IP6K2: variants seen among roughly 807,000 people sequenced by gnomAD.
The protein encoded by IP6K2 is inositol hexakisphosphate kinase 2.
In IP6K2, 9 loss-of-function variants were observed where a neutral mutation model predicts 43.3. The ratio of observed to expected loss-of-function variants is 0.21; its 90% CI spans 0.13 to 0.36. The LOEUF (loss-of-function observed/expected upper bound fraction) is 0.36, where lower values mean the gene tolerates loss of function less well. IP6K2 is among the 10% of genes least tolerant of loss of function. The pLI, the probability that IP6K2 is intolerant of heterozygous loss-of-function variation, is 1.00. For synonymous variants in IP6K2, 209 were observed against 202.4 expected (o/e 1.03, Z -0.28); for missense variants, 332 against 538.4 (o/e 0.62, Z 3.79).
chr3:48,711,153 C>T (rs548798634), intron 1 of IP6K2, among the ~76,000 whole-genome samples: 47 of 152,236 alleles, frequency 3.1e-4, no homozygotes, highest in South Asian at 4.1e-4. Context: ...TTAAATGATC[C>T]GCCTACCTCA....
At chr3:48,715,632 C>A (rs2081104137) in intron 1 of IP6K2, 1 of 614,846 alleles carries the variant, frequency 1.6e-6, no homozygotes, top group Non-Finnish European at 2.8e-6. Flanking sequence ...AAAAAACAAA[C>A]CAAACAAACA....
At chr3:48,693,982 GC>G in intron 2 of IP6K2, 5 of 1,381,740 alleles carry the variant, frequency 3.6e-6, no homozygotes, top group South Asian at 3.6e-5. Context: ...GTGCCGACGA[GC>G]GCCTTACAAA....
At chr3:48,699,399 C>CAA (rs146524009) in intron 1 of IP6K2, 15 of 143,354 alleles carry the variant, frequency 1.0e-4, no homozygotes, top group African/African-American at 2.0e-4. Context: ...AACTCCATCT[C>CAA]AAAAAAAAAA....
At chr3:48,689,474 A>G (rs990245690) in intron 5 of IP6K2, 64 bp downstream of exon 5, 5 of 1,518,728 alleles carry the variant, frequency 3.3e-6, no homozygotes, top group African/African-American at 2.7e-5. Flanking sequence ...AGCAAACAGG[A>G]CTATACCAGG....
chr3:48,695,344 AGTAC>A lies in IP6K2; in HGVS notation c.-57_-54del. On this transcript the variant is annotated 5_prime_UTR_variant, in exon 2 of 6. Transcript: ENST00000328631. The surrounding 1 kb of genome is among the most constrained non-coding windows in gnomAD (Gnocchi z 4.6). ...GGGGAGGCAGCGGAGTCCAGCGGCC[AGTAC>A]GTCTTCTGTCTGTTGTTTGTCCGTG... 1 of 1,564,240 alleles carries A rather than the reference AGTAC, an allele frequency of 6.4e-7. No homozygotes were observed.
At chr3:48,698,744 A>T (rs1429662468) in intron 1 of IP6K2, among the ~76,000 whole-genome samples, 3 of 151,250 alleles carry the variant, frequency 2.0e-5, no homozygotes, top group Non-Finnish European at 2.9e-5. Flanking sequence ...AAGTGCTGGG[A>T]TTATGGGCAT....
At chr3:48,696,597 C>A (rs1056433639) in intron 1 of IP6K2, among the ~76,000 whole-genome samples, 1 of 152,174 alleles carries the variant, frequency 6.6e-6, no homozygotes, top group Non-Finnish European at 1.5e-5. Context: ...CCAGTTCAGG[C>A]CATCTCACAC....
intron 1 of IP6K2, among the ~76,000 whole-genome samples, chr3:48,713,853 A>T (rs2080846479): frequency 6.6e-6 from 1 of 151,522 alleles, no homozygotes; most frequent in African/African-American, 2.4e-5. Flanking sequence ...GCAGTGGCTC[A>T]CGCCTGTAAT....
rs968232441 is a variant in IP6K2 at position 48,715,201 on chromosome 3, A to G, written c.-131+1956T>C. ...ATCTGCTTACTTTCTAATGTATAAG[A>G]GTGTGTTCAATTTGTTACCCAAGAT... is the stretch of plus-strand genomic sequence containing the variant. On this transcript the variant is annotated intron_variant, in intron 1 of 5. Coordinates refer to ENST00000328631, the MANE Select transcript of IP6K2 (RefSeq NM_016291.4). The G allele has an allele frequency of 6.7e-6, 7 of 1,041,992 alleles. No individual in the cohort carries two copies. The African/African-American group carries it at 1.1e-4, about 16-fold the overall frequency. 64.5% of individuals were successfully genotyped at this position (1,041,992 alleles called of 1,614,324 possible). A position where few individuals can be genotyped will look rare whatever the true frequency, so the allele number is the denominator to read the frequency against.
At chr3:48,701,272 A>C (rs888358419) in intron 1 of IP6K2, among the ~76,000 whole-genome samples, 6 of 152,152 alleles carry the variant, frequency 3.9e-5, no homozygotes. Flanking sequence ...TAATAATCAG[A>C]AAAGATTATG....
chr3:48,694,545 A>C, intron 2 of IP6K2: 1 of 1,521,636 alleles, frequency 6.6e-7, no homozygotes, highest in South Asian at 1.3e-5. Context: ...ACATTATAAA[A>C]AGAAATAAAA....
At chr3:48,714,378 CTTTT>C (rs968764698) in intron 1 of IP6K2, among the ~76,000 whole-genome samples, 3 of 149,908 alleles carry the variant, frequency 2.0e-5, no homozygotes, top group Non-Finnish European at 3.0e-5. Context: ...TTTCTTTTTC[CTTTT>C]TTTTGTGTGT....
chr3:48,691,162 T>C (rs2077750682), intron 4 of IP6K2, 145 bp downstream of exon 4: 4 of 678,948 alleles, frequency 5.9e-6, no homozygotes, highest in Non-Finnish European at 1.0e-5. Context: ...TGCCCATAAT[T>C]ATCATACAGG....
chr3:48,688,736 T>C lies in IP6K2; in HGVS notation c.818A>G (p.Asn273Ser), dbSNP rs2077526365. The part of the protein sequence containing the change: ...QAGSGQLMFM[N>S]KYHGRKLSVQ... ...CGATAGCTTCCGTCCATGGTACTTG[T>C]TCATGAACATGAGCTGCCCACTGCC... The change falls in exon 6 of 6, where the codon AAC becomes AGC. Residue 273 changes from asparagine (N) to serine (S), a missense_variant. By Grantham distance (46) the Asn-to-Ser change is conservative. Coordinates refer to ENST00000328631, the MANE Select transcript of IP6K2 (RefSeq NM_016291.4). The surrounding 1 kb of genome is among the most constrained non-coding windows in gnomAD (Gnocchi z 5.1). 2 of 1,613,790 alleles carry C rather than the reference T, an allele frequency of 1.2e-6. No homozygotes were observed. The highest frequency in any genetic ancestry group is 1.7e-6 in the Non-Finnish European group (2 of 1,179,778).
rs868659073 is a variant in IP6K2, at chr3:48,693,119, G to A, written c.263C>T (p.Pro88Leu). ...EDRNLCLIAY[P>L]LKGDHGIVDI... ...CACAATTCCATGGTCCCCTTTCAATGGATATGCTATTAGACACAAGTTCCT... is the reference window on the plus strand; with the variant it reads ...CACAATTCCATGGTCCCCTTTCAATAGATATGCTATTAGACACAAGTTCCT... Residue 88 changes from proline to leucine, a missense_variant, in exon 3 of 6, where the codon CCA becomes CTA. Transcript: ENST00000328631. The A allele has an allele frequency of 6.2e-7, 1 of 1,614,104 alleles. No individual in the cohort carries two copies. Among genetic ancestry groups the A allele is most frequent in the Non-Finnish European group, 8.5e-7 (1 of 1,180,042 alleles).
rs2078203740 is a variant in IP6K2 at position 48,695,260 on chromosome 3, T to C, written c.32A>G (p.Glu11Gly). 2 of 1,589,110 alleles carry C rather than the reference T, an allele frequency of 1.3e-6. No homozygotes were observed. Among genetic ancestry groups the C allele is most frequent in the African/African-American group, 1.3e-5 (1 of 74,402 alleles). Residue 11 changes from glutamate (E) to glycine (G), a missense_variant, in exon 2 of 6, where the codon GAG becomes GGG. Glu to Gly is a moderately conservative substitution (Grantham distance 98, BLOSUM62 -2). Coordinates refer to ENST00000328631, the MANE Select transcript of IP6K2 (RefSeq NM_016291.4). The surrounding 1 kb of genome is among the most constrained non-coding windows in gnomAD (Gnocchi z 4.6). ...CAGAAGGACGCCTTTGGCGCGGGGC[T>C]CCACATCCATGGCCCTGAAGGCTGG... MSPAFRAMDV[E>G]PRAKGVLLEP... is the part of the protein sequence containing the mutation.
chr3:48,694,611 T>C (rs2106820079), intron 2 of IP6K2: 1 of 1,521,396 alleles, frequency 6.6e-7, no homozygotes, highest in Admixed American at 2.5e-5. Flanking sequence ...GGGGACATTC[T>C]GTAACAGCAA....
At chr3:48,694,818 G>C (rs1410400492) in intron 2 of IP6K2, 2 of 1,536,320 alleles carry the variant, frequency 1.3e-6, no homozygotes, top group Non-Finnish European at 1.7e-6. Context: ...CTGTGATCAA[G>C]AGACACCTGA....
At chr3:48,697,648 A>T (rs1043225227) in intron 1 of IP6K2, among the ~76,000 whole-genome samples, 1 of 150,264 alleles carries the variant, frequency 6.7e-6, no homozygotes, top group African/African-American at 2.4e-5. Context: ...GCCAATTTTT[A>T]ATTTTTTCTT....
Sources: allele counts gnomAD v4.1 joint callset (sites outside exome capture counted in the v4.1 genomes callset), GRCh38; gene constraint gnomAD v4.1.1; non-coding constraint Gnocchi (gnomAD v3.1); transcripts MANE v1.5; gene names NCBI Gene and HGNC (gene_info 2026-07-23, HGNC 2026-07-21).